Variants in IMPA1 observed in about 807,000 individuals in gnomAD.
The protein encoded by IMPA1 is D-galactose 1-phosphate phosphatase.
Under a neutral mutation model 34.9 loss-of-function variants are expected in IMPA1, and 21 were observed. The ratio of observed to expected loss-of-function variants is 0.60; its 90% CI spans 0.43 to 0.87. The LOEUF (loss-of-function observed/expected upper bound fraction) is 0.87. Among genes scored for constraint, IMPA1 ranks in the 40% least tolerant of loss-of-function variants. IMPA1 has a pLI of 0.00. For missense variants in IMPA1, 299 were observed against 336.4 expected (o/e 0.89, Z 0.87); for synonymous variants, 95 against 104.4 (o/e 0.91, Z 0.55).
chr8:81,685,664 A>T (rs1807493831), intron 1 of IMPA1: 1 of 446,460 alleles, frequency 2.2e-6, no homozygotes, highest in African/African-American at 2.2e-5. Context: ...AGTACATTTT[A>T]TATATATTTT....
chr8:81,672,540 C>A (rs1260612015), intron 6 of IMPA1, among the ~76,000 whole-genome samples: 3 of 152,136 alleles, frequency 2.0e-5, no homozygotes, highest in African/African-American at 2.4e-5. Context: ...AATGAGAATT[C>A]CTGAGTACAA....
rs1218321415 is a variant in IMPA1, at chr8:81,686,325, T to C, written c.-98A>G. On this transcript the variant is annotated 5_prime_UTR_variant, in exon 1 of 9. Coordinates refer to ENST00000256108, the MANE Select transcript of IMPA1 (RefSeq NM_005536.4). Reference sequence around the variant, plus strand: ...TCGTCTCTTCCGGAGGTAGAGGGGCTACTCGCAACAGGAAGTTCCGCCCTT... The same window carrying C: ...TCGTCTCTTCCGGAGGTAGAGGGGCCACTCGCAACAGGAAGTTCCGCCCTT... 6.1e-6 allele frequency: 6 copies of C among 986,798 alleles called. No individual in the cohort carries two copies. The highest frequency in any genetic ancestry group is 7.2e-6 in the Non-Finnish European group (6 of 830,758). The allele number at this position is 986,798 out of a possible 1,614,324, so 61.1% of individuals were successfully genotyped here.
chr8:81,678,871 G>T (rs1807210047), intron 4 of IMPA1, among the ~76,000 whole-genome samples: 1 of 152,050 alleles, frequency 6.6e-6, no homozygotes, highest in Non-Finnish European at 1.5e-5. Context: ...GCCAACAGTG[G>T]GAAAAAGAAT....
chr8:81,684,294 CTA>C (rs578094112), intron 1 of IMPA1, among the ~76,000 whole-genome samples: 2 of 140,226 alleles, frequency 1.4e-5, no homozygotes, highest in African/African-American at 2.7e-5. Context: ...TATTTAGATA[CTA>C]TATATAGTAT....
rs1229021240 is a variant in IMPA1, at chr8:81,658,945, T to C, written c.*406A>G. 1 of 192,822 alleles carries C rather than the reference T, an allele frequency of 5.2e-6. No homozygotes were observed. Among genetic ancestry groups the C allele is most frequent in the African/African-American group, 2.4e-5 (1 of 41,724 alleles). 11.9% of individuals were successfully genotyped at this position (192,822 alleles called of 1,614,324 possible). A position where few individuals can be genotyped will look rare whatever the true frequency, so the allele number is the denominator to read the frequency against. On this transcript the variant is annotated 3_prime_UTR_variant, in exon 9 of 9. Coordinates refer to ENST00000256108, the MANE Select transcript of IMPA1 (RefSeq NM_005536.4). ...CTCAGTATATCCTTACAAATTTAAT[T>C]ATATATGGTTTTTGAAACTAAAGAG...
intron 7 of IMPA1, among the ~76,000 whole-genome samples, chr8:81,664,029 G>A (rs899959761): frequency 1.3e-5 from 2 of 151,088 alleles, no homozygotes; most frequent in Non-Finnish European, 3.0e-5. Flanking sequence ...CAGAGACTCC[G>A]TCTCAGAAAA....
chr8:81,664,835 T>C (rs1017640991), intron 7 of IMPA1, among the ~76,000 whole-genome samples: 1 of 150,908 alleles, frequency 6.6e-6, no homozygotes, highest in Admixed American at 6.6e-5. Flanking sequence ...ACCTGCACAT[T>C]GTGCACATGT....
At chr8:81,673,284 G>A (rs141883225) in intron 6 of IMPA1, among the ~76,000 whole-genome samples, 5 of 152,284 alleles carry the variant, frequency 3.3e-5, no homozygotes, top group Non-Finnish European at 5.9e-5. Flanking sequence ...CAGATTCACT[G>A]AGCCAGACTC....
chr8:81,683,214 G>A (rs1289071276), intron 1 of IMPA1, among the ~76,000 whole-genome samples: 2 of 152,216 alleles, frequency 1.3e-5, no homozygotes, highest in Admixed American at 6.5e-5. Context: ...AAGCTGGGGA[G>A]GTAGTGGGGA....
Position 81,670,992 on chromosome 8 carries a change from A to G in IMPA1, c.513T>C (p.Thr171=). ...TELGSSRTPE[T]VRMVLSNMEK... ...CCATATTAGAAAGAACCATTCTCACAGTCTCTGGTGTTCTGGAAGAGCCCA... is the reference window on the plus strand; with the variant it reads ...CCATATTAGAAAGAACCATTCTCACGGTCTCTGGTGTTCTGGAAGAGCCCA... The change falls in exon 7 of 9, where the codon ACT becomes ACC. Residue 171 remains threonine (T), a synonymous_variant. Coordinates refer to ENST00000256108, the MANE Select transcript of IMPA1 (RefSeq NM_005536.4). 6.5e-7 allele frequency: 1 copy of G among 1,535,950 alleles called. No homozygotes were observed. The highest frequency in any genetic ancestry group is 8.7e-7 in the Non-Finnish European group (1 of 1,153,052).
In IMPA1 at chr8:81,667,863, A is replaced by G. The variant is rs888810686; in HGVS notation, c.566+3076T>C. Among the ~76,000 whole-genome samples the G allele has an allele frequency of 8.1e-5, 12 of 148,128 alleles. No homozygotes were observed. In the East Asian group the frequency reaches 2.2e-3, roughly 27 times the overall value. ...TTTTGAGATGGAGTCTCACTCTGTT[A>G]CCCAGGCTGGAGTGCAGTGACACGA... is the stretch of plus-strand genomic sequence containing the variant. On this transcript the variant is annotated intron_variant, in intron 7 of 8. Transcript: ENST00000256108.
chr8:81,674,927 C>A (rs1271524526), intron 5 of IMPA1: 2 of 426,868 alleles, frequency 4.7e-6, no homozygotes, highest in African/African-American at 4.1e-5. Flanking sequence ...CTCAAAAACA[C>A]TTTCCAATTT....
At chr8:81,674,981 C>T in intron 5 of IMPA1, 8 of 382,212 alleles carry the variant, frequency 2.1e-5, no homozygotes, top group South Asian at 1.6e-4. Context: ...TTAGTTCACC[C>T]ACACCCCAGT....
chr8:81,682,965 A>G (rs890568057), intron 1 of IMPA1, among the ~76,000 whole-genome samples: 4 of 152,232 alleles, frequency 2.6e-5, no homozygotes, highest in Non-Finnish European at 2.9e-5. Context: ...TAAAGACTAC[A>G]TGCAAAATAA....
chr8:81,682,891 C>A (rs1807341866), intron 1 of IMPA1, among the ~76,000 whole-genome samples: 1 of 152,122 alleles, frequency 6.6e-6, no homozygotes, highest in Admixed American at 6.5e-5. Context: ...TACACTGCAC[C>A]ATGGGGAGGA....
Position 81,657,377 on chromosome 8 carries a change from A to G in IMPA1, c.*1974T>C, listed in dbSNP as rs1051084074. On this transcript the variant is annotated 3_prime_UTR_variant, in exon 9 of 9. Coordinates refer to ENST00000256108, the MANE Select transcript of IMPA1 (RefSeq NM_005536.4). Reference sequence around the variant, plus strand: ...TGAGGCAGGAGGATCACTTGAGCCCAATGAGACCAGCCTAAGCAACATAGG... The same window carrying G: ...TGAGGCAGGAGGATCACTTGAGCCCGATGAGACCAGCCTAAGCAACATAGG... Among the ~76,000 whole-genome samples, 2 of 152,212 alleles carry G rather than the reference A, an allele frequency of 1.3e-5. No individual in the cohort carries two copies. Among genetic ancestry groups the G allele is most frequent in the South Asian group, 2.1e-4 (1 of 4,818 alleles).
At chr8:81,674,813 A>G (rs1807084749) in intron 5 of IMPA1, 4 of 455,636 alleles carry the variant, frequency 8.8e-6, no homozygotes, top group Non-Finnish European at 1.8e-5. Flanking sequence ...AATCGGGGGA[A>G]GAACCTACGG....
chr8:81,680,811 GAAA>G, intron 2 of IMPA1, 28 bp from the exon 3 acceptor site: 8 of 1,427,644 alleles, frequency 5.6e-6, no homozygotes, highest in Non-Finnish European at 7.8e-6. Context: ...TAAGCAAATA[GAAA>G]AGGCATAATT....
In IMPA1 at chr8:81,659,286, A is replaced by G. The variant is rs1806596418; in HGVS notation, c.*65T>C. On this transcript the variant is annotated 3_prime_UTR_variant, in exon 9 of 9. Transcript: ENST00000256108. Reference sequence around the variant, plus strand: ...CAAGCATATCATACATCCAAAACACATATCCATTGATGAGTCACCAAATCT... The same window carrying G: ...CAAGCATATCATACATCCAAAACACGTATCCATTGATGAGTCACCAAATCT... 2 of 867,070 alleles carry G rather than the reference A, an allele frequency of 2.3e-6. No homozygotes were observed. The highest frequency in any genetic ancestry group is 4.0e-6 in the Non-Finnish European group (2 of 501,348). The allele number at this position is 867,070 out of a possible 1,614,324, so 53.7% of individuals were successfully genotyped here.
Sources: gnomAD v4.1 joint callset for allele counts (sites outside exome capture counted in the v4.1 genomes callset) on GRCh38, gnomAD v4.1.1 for gene constraint, MANE v1.5 for transcripts, NCBI Gene and HGNC (gene_info 2026-07-23, HGNC 2026-07-21) for gene names.